Variants in PKHD1L1 observed in about 807,000 individuals in gnomAD.
The protein encoded by PKHD1L1 is fibrocystin-L.
In PKHD1L1, 434 loss-of-function variants were observed where a neutral mutation model predicts 462.9. The ratio of observed to expected loss-of-function variants is 0.94; its 90% CI spans 0.87 to 1.02. The LOEUF (loss-of-function observed/expected upper bound fraction) is 1.02, where lower values mean the gene tolerates loss of function less well. Among genes scored for constraint, PKHD1L1 ranks in the 50% least tolerant of loss-of-function variants. PKHD1L1 has a pLI of 0.00. For missense variants in PKHD1L1, 5,202 were observed against 5,096.1 expected, an observed-to-expected ratio of 1.02 and a Z score of -0.63; for synonymous variants, 1,781 against 1,750.0, an observed-to-expected ratio of 1.02 and a Z score of -0.44.
chr8:109,434,399 A>T (rs997115530), intron 28 of PKHD1L1, among the ~76,000 whole-genome samples: 1 of 151,616 alleles, frequency 6.6e-6, no homozygotes, highest in Admixed American at 6.6e-5. Context: ...AAAAGTAAGA[A>T]AATGTTTTCA....
At chr8:109,460,445 A>T (rs908129695) in intron 47 of PKHD1L1, among the ~76,000 whole-genome samples, 27 of 152,206 alleles carry the variant, frequency 1.8e-4, no homozygotes, top group African/African-American at 6.0e-4. Flanking sequence ...AAATCTATAG[A>T]TATATAGATC....
intron 2 of PKHD1L1, among the ~76,000 whole-genome samples, chr8:109,371,603 G>A (rs1188520918): frequency 6.9e-6 from 1 of 144,130 alleles, no homozygotes; most frequent in East Asian, 2.0e-4. Flanking sequence ...GAATGGTATT[G>A]CCTAGGTTTT....
intron 35 of PKHD1L1, 63 bp from the exon 36 acceptor site, chr8:109,442,883 A>T (rs988004470): frequency 1.7e-5 from 25 of 1,466,710 alleles, no homozygotes; most frequent in Admixed American, 1.2e-4. Context: ...AATTGTTTTC[A>T]GTCTCTTTTC....
rs1817289983 is a variant in PKHD1L1, at chr8:109,464,210, T to C, written c.7384-6T>C. On this transcript the variant is annotated splice_region_variant and splice_polypyrimidine_tract_variant and intron_variant, in intron 48 of 77. Transcript: ENST00000378402. ...ACTAAATAACTGTGATTTCTGGGCT[T>C]AACAGGTATTCCATGCTGGCCAGGC... 6.4e-7 allele frequency: 1 copy of C among 1,571,756 alleles called. No homozygotes were observed. The highest frequency in any genetic ancestry group is 8.7e-7 in the Non-Finnish European group (1 of 1,153,722).
At chr8:109,448,486 T>A (rs1816289387) in intron 39 of PKHD1L1, 95 bp downstream of exon 39, 1 of 1,262,224 alleles carries the variant, frequency 7.9e-7, no homozygotes, top group Non-Finnish European at 1.0e-6. Context: ...CTCAAACACA[T>A]AAAATTTCTA....
intron 29 of PKHD1L1, 105 bp downstream of exon 29, chr8:109,435,459 T>A (rs1763101102): frequency 1.6e-6 from 2 of 1,238,610 alleles, no homozygotes; most frequent in African/African-American, 3.0e-5. Context: ...AAGCTTCCTC[T>A]TATAGAACAA....
chr8:109,443,106 A>G lies in PKHD1L1; in HGVS notation c.4554A>G (p.Thr1518=), dbSNP rs1449578056. ...LHLFVGRSEA[T]YAYGGPENLH... ...TGTTTGTGGGTCGCTCTGAAGCCACATATGCTTATGGTAAGATGGTTAAAG... is the reference window on the plus strand; with the variant it reads ...TGTTTGTGGGTCGCTCTGAAGCCACGTATGCTTATGGTAAGATGGTTAAAG... The change falls in exon 36 of 78, where the codon ACA becomes ACG. Residue 1518 remains threonine (T), a synonymous_variant. Transcript: ENST00000378402. 1.2e-6 allele frequency: 2 copies of G among 1,613,222 alleles called. No individual in the cohort carries two copies. The highest frequency in any genetic ancestry group is 1.3e-5 in the African/African-American group (1 of 74,892).
At chr8:109,393,094 G>A (rs1812789047) in intron 9 of PKHD1L1, among the ~76,000 whole-genome samples, 1 of 152,122 alleles carries the variant, frequency 6.6e-6, no homozygotes, top group Admixed American at 6.6e-5. Context: ...CAGTATCGCT[G>A]GAGCTAGCAT....
chr8:109,394,940 A>G (rs1812896387), intron 10 of PKHD1L1, among the ~76,000 whole-genome samples: 1 of 152,208 alleles, frequency 6.6e-6, no homozygotes, highest in Non-Finnish European at 1.5e-5. Flanking sequence ...CGTGCTGAGA[A>G]CACTCACATT....
chr8:109,386,949 C>T (rs1197592402), intron 6 of PKHD1L1, among the ~76,000 whole-genome samples: 3 of 152,096 alleles, frequency 2.0e-5, no homozygotes, highest in African/African-American at 7.2e-5. Flanking sequence ...GTCGGGCTAC[C>T]TAATCCTTGT....
At chr8:109,391,447 T>A (rs1812707738) in intron 9 of PKHD1L1, among the ~76,000 whole-genome samples, 1 of 152,192 alleles carries the variant, frequency 6.6e-6, no homozygotes, top group Admixed American at 6.5e-5. Context: ...TCCCCACTCT[T>A]GGGAGCATTT....
rs1477081838 is a variant in PKHD1L1, at chr8:109,412,314, G to T, written c.2135G>T (p.Gly712Val). 6.2e-7 allele frequency: 1 copy of T among 1,613,744 alleles called. No homozygotes were observed. Among genetic ancestry groups the T allele is most frequent in the Non-Finnish European group, 8.5e-7 (1 of 1,179,758 alleles). Residue 712 changes from glycine to valine, a missense_variant, in exon 20 of 78, where the codon GGT becomes GTT. Physicochemically the swap from Gly to Val is moderately radical, Grantham distance 109. This residue lies in a region of PKHD1L1 where 4,497 missense variants were observed against 4,336.8 expected (regional missense o/e 1.04). Coordinates refer to ENST00000378402, the MANE Select transcript of PKHD1L1 (RefSeq NM_177531.6). ...ACAGCTGAAACCGATGCTTACTGTG[G>T]TCGTTATTCCCTGAAAAACCCAGCT... ...QKTAETDAYCGRYSLKNPAVL... is the reference protein window; with the variant it reads ...QKTAETDAYCVRYSLKNPAVL...
chr8:109,475,145 A>G lies in PKHD1L1; in HGVS notation c.8633A>G (p.Lys2878Arg). Residue 2878 changes from lysine (K) to arginine (R), a missense_variant, in exon 51 of 78, where the codon AAA becomes AGA. Coordinates refer to ENST00000378402, the MANE Select transcript of PKHD1L1 (RefSeq NM_177531.6). ...FGTSIIPFQKKRLTHMSGWMA... is the reference protein window; with the variant it reads ...FGTSIIPFQKRRLTHMSGWMA... ...ACAAGCATTATTCCATTTCAGAAGA[A>G]ACGACTGACTCATATGTCTGGATGG... 1 of 1,610,084 alleles carries G rather than the reference A, an allele frequency of 6.2e-7. No individual in the cohort carries two copies. Among genetic ancestry groups the G allele is most frequent in the Non-Finnish European group, 8.5e-7 (1 of 1,178,278 alleles).
chr8:109,478,463 G>T (rs1179216593), intron 53 of PKHD1L1, among the ~76,000 whole-genome samples: 1 of 152,120 alleles, frequency 6.6e-6, no homozygotes, highest in Non-Finnish European at 1.5e-5. Context: ...TATGGGGCTG[G>T]GACAGAGAGC....
At chr8:109,450,542 G>C (rs1816429273) in intron 40 of PKHD1L1, among the ~76,000 whole-genome samples, 1 of 152,062 alleles carries the variant, frequency 6.6e-6, no homozygotes, top group Non-Finnish European at 1.5e-5. Context: ...CTTAACACTG[G>C]CTCTGCATCT....
In PKHD1L1 at chr8:109,445,297, C is replaced by T; in HGVS notation, c.5428C>T (p.His1810Tyr). The T allele has an allele frequency of 6.2e-7, 1 of 1,613,974 alleles. No homozygotes were observed. The highest frequency in any genetic ancestry group is 8.5e-7 in the Non-Finnish European group (1 of 1,179,882). The change falls in exon 38 of 78, where the codon CAT becomes TAT. Residue 1810 changes from histidine (H) to tyrosine (Y), a missense_variant. Physicochemically the swap from His to Tyr is moderately conservative, Grantham distance 83. Transcript: ENST00000378402. ...TGTGACTCCTCTCCCAGTTGGACAT[C>T]ATTCTGTTAGTGTTGTGGTGGGAAG... ...ALVTPLPVGHHSVSVVVGSKG... is the reference protein window; with the variant it reads ...ALVTPLPVGHYSVSVVVGSKG...
chr8:109,413,049 C>G (rs554720107), intron 20 of PKHD1L1, among the ~76,000 whole-genome samples: 1 of 152,228 alleles, frequency 6.6e-6, no homozygotes, highest in African/African-American at 2.4e-5. Flanking sequence ...CCCATTTAAT[C>G]TGCCTGAATG....
intron 57 of PKHD1L1, among the ~76,000 whole-genome samples, chr8:109,484,698 G>GA (rs1818438660): frequency 2.0e-5 from 3 of 151,848 alleles, no homozygotes; most frequent in Middle Eastern, 6.8e-3. Context: ...AAAAACTAGG[G>GA]AAAAAATTCA....
At chr8:109,475,569 C>T (rs1242743694) in intron 51 of PKHD1L1, among the ~76,000 whole-genome samples, 1 of 151,874 alleles carries the variant, frequency 6.6e-6, no homozygotes, top group Non-Finnish European at 1.5e-5. Context: ...ATCTCAGGGA[C>T]CAGCAGTTAA....
Sources: gnomAD v4.1 joint callset for allele counts (sites outside exome capture counted in the v4.1 genomes callset) on GRCh38, gnomAD v4.1.1 for gene constraint, gnomAD v4.1.1 regional missense constraint, MANE v1.5 for transcripts, NCBI Gene and HGNC (gene_info 2026-07-23, HGNC 2026-07-21) for gene names.